CNTNAP2: variants seen among roughly 807,000 people sequenced by gnomAD.
CNTNAP2 encodes the protein contactin-associated protein-like 2.
Under a neutral mutation model 155.2 loss-of-function variants are expected in CNTNAP2, and 98 were observed. The ratio of observed to expected loss-of-function variants is 0.63; its 90% confidence interval spans 0.54 to 0.75. CNTNAP2 has a LOEUF of 0.75. Among genes scored for constraint, CNTNAP2 ranks in the 30% least tolerant of loss-of-function variants. The probability of loss-of-function intolerance (pLI) is 0.00; values close to 1 mark genes in which losing one functional copy is unlikely to be tolerated. For missense variants in CNTNAP2, 1,727 were observed against 1,688.1 expected, an observed-to-expected ratio of 1.02 and a Z score of -0.40; for synonymous variants, 651 against 631.2, an observed-to-expected ratio of 1.03 and a Z score of -0.47.
chr7:147,383,741 C>G (rs996162900), intron 9 of CNTNAP2, among the ~76,000 whole-genome samples: 2 of 151,836 alleles, frequency 1.3e-5, no homozygotes, highest in East Asian at 3.9e-4. Flanking sequence ...ACCTATATAG[C>G]AAACCTGCAT....
intron 1 of CNTNAP2, among the ~76,000 whole-genome samples, chr7:146,742,887 G>T (rs138600692): frequency 0.028 from 4,227 of 152,100 alleles, 70 homozygotes; most frequent in African/African-American, 0.039. Flanking sequence ...ATATTTTAAA[G>T]CTATTTCTCA....
intron 9 of CNTNAP2, among the ~76,000 whole-genome samples, chr7:147,328,227 A>G (rs1278833200): frequency 1.3e-5 from 2 of 152,210 alleles, no homozygotes; most frequent in African/African-American, 4.8e-5. Flanking sequence ...ATCAGAAAAA[A>G]GAAACTGGAA....
intron 1 of CNTNAP2, among the ~76,000 whole-genome samples, chr7:146,572,850 G>A (rs904852397): frequency 6.6e-6 from 1 of 152,028 alleles, no homozygotes; most frequent in African/African-American, 2.4e-5. Flanking sequence ...TTGTATAACT[G>A]GAGTTAGTGT....
intron 13 of CNTNAP2, among the ~76,000 whole-genome samples, chr7:147,829,372 C>T (rs916976301): frequency 2.0e-5 from 3 of 152,172 alleles, no homozygotes; most frequent in Admixed American, 6.5e-5. Context: ...TACGAGCTCA[C>T]ACTTTAGAAA....
intron 15 of CNTNAP2, among the ~76,000 whole-genome samples, chr7:148,115,738 T>C (rs1332874139): frequency 6.6e-6 from 1 of 152,130 alleles, no homozygotes; most frequent in Non-Finnish European, 1.5e-5. Flanking sequence ...TCTGTTCCTG[T>C]TACCAGTAGC....
chr7:146,888,148 T>A (rs1032300163), intron 3 of CNTNAP2, among the ~76,000 whole-genome samples: 5 of 152,144 alleles, frequency 3.3e-5, no homozygotes, highest in African/African-American at 1.2e-4. Context: ...TCCAAATCTT[T>A]GAAAATTATA....
chr7:147,168,419 A>G (rs1302762292), intron 8 of CNTNAP2, among the ~76,000 whole-genome samples: 1 of 151,974 alleles, frequency 6.6e-6, no homozygotes, highest in Non-Finnish European at 1.5e-5. Flanking sequence ...CTCCTAATTA[A>G]TTCAGACATT....
chr7:148,217,149 G>C, intron 18 of CNTNAP2, 139 bp from the exon 19 acceptor site: 1 of 746,900 alleles, frequency 1.3e-6, no homozygotes, highest in East Asian at 2.5e-5. Flanking sequence ...TGATGCAATA[G>C]CATCTTTCTC....
At chr7:147,932,416 AC>A (rs1329207795) in intron 14 of CNTNAP2, among the ~76,000 whole-genome samples, 6 of 152,214 alleles carry the variant, frequency 3.9e-5, no homozygotes, top group Non-Finnish European at 7.3e-5. Flanking sequence ...TGCATATATG[AC>A]CAACTGATCT....
At chr7:146,646,155 T>G (rs1219759051) in intron 1 of CNTNAP2, among the ~76,000 whole-genome samples, 1 of 152,198 alleles carries the variant, frequency 6.6e-6, no homozygotes, top group Non-Finnish European at 1.5e-5. Context: ...AGTGAAAACA[T>G]ATCTGCTTAA....
At chr7:147,307,010 TAAG>T (rs1795041594) in intron 9 of CNTNAP2, among the ~76,000 whole-genome samples, 1 of 152,238 alleles carries the variant, frequency 6.6e-6, no homozygotes, top group African/African-American at 2.4e-5. Context: ...TACATGTATT[TAAG>T]AATAAATTAA....
At chr7:147,261,851 A>C (rs975260506) in intron 8 of CNTNAP2, among the ~76,000 whole-genome samples, 1 of 152,224 alleles carries the variant, frequency 6.6e-6, no homozygotes, top group Admixed American at 6.5e-5. Flanking sequence ...TTGATGGATC[A>C]TTAGATAGGC....
At chr7:147,577,905 CTATT>C (rs1217621508) in intron 12 of CNTNAP2, among the ~76,000 whole-genome samples, 3 of 151,976 alleles carry the variant, frequency 2.0e-5, no homozygotes, top group Admixed American at 6.6e-5. Context: ...GTTCCAGATT[CTATT>C]TATTAAGTAT....
chr7:146,620,702 C>G (rs1020057346), intron 1 of CNTNAP2, among the ~76,000 whole-genome samples: 7 of 152,066 alleles, frequency 4.6e-5, no homozygotes, highest in Non-Finnish European at 1.0e-4. Context: ...CTTGACATAA[C>G]AGAAAACAAT....
Position 147,983,433 on chromosome 7 carries a change from CA to C in CNTNAP2, c.2383+5454del, listed in dbSNP as rs763628321. Among the ~76,000 whole-genome samples the C allele has an allele frequency of 1.9e-3, 275 of 142,116 alleles. 1 individual carries two copies. The highest frequency in any genetic ancestry group is 6.4e-3 in the African/African-American group (245 of 38,446). The allele number at this position is 142,116 out of a possible 152,430, so 93.2% of individuals were successfully genotyped here. ...ATCCCTTAATAGGTGATACTGTTGA[CA>C]AAAAAAAAATAAAAATAAAAATAAA... On this transcript the variant is annotated intron_variant, in intron 15 of 23. Coordinates refer to ENST00000361727, the MANE Select transcript of CNTNAP2 (RefSeq NM_014141.6).
chr7:146,916,694 T>A (rs1421301919), intron 3 of CNTNAP2, among the ~76,000 whole-genome samples: 2 of 152,146 alleles, frequency 1.3e-5, no homozygotes, highest in African/African-American at 4.8e-5. Flanking sequence ...TGAGCTTATT[T>A]GGATCTTTTC....
In CNTNAP2 at chr7:147,609,530, CAATT is replaced by C. The variant is rs371090692; in HGVS notation, c.1898-29553_1898-29550del. 5.0e-3 allele frequency among the ~76,000 whole-genome samples: 751 copies of C among 151,576 alleles called. 13 individuals carry two copies. The highest frequency in any genetic ancestry group is 0.015 in the African/African-American group (605 of 41,252). On this transcript the variant is annotated intron_variant, in intron 12 of 23. Transcript: ENST00000361727. The stretch of plus-strand genomic sequence containing the variant: ...TGGGTGACAGAGCGAGACTCTGTCT[CAATT>C]AATTAATTAATTAATTAATTAAGGT...
At chr7:147,071,890 T>A (rs1401321512) in intron 4 of CNTNAP2, among the ~76,000 whole-genome samples, 1 of 152,174 alleles carries the variant, frequency 6.6e-6, no homozygotes, top group Admixed American at 6.5e-5. Flanking sequence ...TCAGTAACAA[T>A]GACTAAGAAC....
At chr7:146,353,046 G>A (rs533816739) in intron 1 of CNTNAP2, among the ~76,000 whole-genome samples, 4 of 152,112 alleles carry the variant, frequency 2.6e-5, no homozygotes, top group African/African-American at 4.8e-5. Context: ...GAGCCACCGC[G>A]CCCGGCCAGG....
Sources: allele counts gnomAD v4.1 joint callset (sites outside exome capture counted in the v4.1 genomes callset), GRCh38; gene constraint gnomAD v4.1.1; transcripts MANE v1.5; gene names NCBI Gene and HGNC (gene_info 2026-07-23, HGNC 2026-07-21).